Variants in GPSM1 observed in about 807,000 individuals in gnomAD.
The protein encoded by GPSM1 is G protein-signaling modulator 1.
Under a neutral mutation model 70.5 loss-of-function variants are expected in GPSM1, and 48 were observed. The ratio of observed to expected loss-of-function variants is 0.68; its 90% CI spans 0.54 to 0.87. The LOEUF (loss-of-function observed/expected upper bound fraction) is 0.87. GPSM1 is among the 40% of genes least tolerant of loss of function. The pLI is 0.00. For missense variants in GPSM1, 981 were observed against 972.6 expected (o/e 1.01, Z -0.11); for synonymous variants, 416 against 430.1 (o/e 0.97, Z 0.41).
intron 5 of GPSM1, 125 bp from the exon 6 acceptor site, chr9:136,337,721 G>T: frequency 1.0e-6 from 1 of 982,688 alleles, no homozygotes; most frequent in Non-Finnish European, 1.6e-6. Context: ...TCCTGCAGCT[G>T]CTAGCTGCTC....
In GPSM1 at chr9:136,339,628, C is replaced by T. The variant is rs1832336205; in HGVS notation, c.975-79C>T. On this transcript the variant is annotated intron_variant, in intron 7 of 13. Transcript: ENST00000440944. Reference sequence around the variant, plus strand: ...CTCGAAGCCAGGGTCATGCTGGGGCCGTGACCACCAGGGGAGGGGCTGGGG... The same window carrying T: ...CTCGAAGCCAGGGTCATGCTGGGGCTGTGACCACCAGGGGAGGGGCTGGGG... The T allele has an allele frequency of 6.0e-6, 6 of 993,866 alleles. No homozygotes were observed. In the African/African-American group the frequency reaches 6.4e-5, roughly 11 times the overall value. 61.6% of individuals were successfully genotyped at this position (993,866 alleles called of 1,614,324 possible). A position where few individuals can be genotyped will look rare whatever the true frequency, so the allele number is the denominator to read the frequency against.
intron 1 of GPSM1, among the ~76,000 whole-genome samples, chr9:136,329,284 G>A (rs1224625484): frequency 1.3e-5 from 2 of 151,862 alleles, no homozygotes; most frequent in African/African-American, 4.8e-5. Flanking sequence ...AGCAGGGCCT[G>A]TGACGAGGTC....
In GPSM1 at chr9:136,340,477, C is replaced by T. The variant is rs1180343605; in HGVS notation, c.1084-393C>T. Among the ~76,000 whole-genome samples, 8 of 152,040 alleles carry T rather than the reference C, an allele frequency of 5.3e-5. No homozygotes were observed. Among genetic ancestry groups the T allele is most frequent in the Middle Eastern group, 6.8e-3 (2 of 294 alleles). On this transcript the variant is annotated intron_variant, in intron 8 of 13. Coordinates refer to ENST00000440944, the MANE Select transcript of GPSM1 (RefSeq NM_001145638.3). This position sits in a 1 kb window ranked among gnomAD's most constrained non-coding sequence, Gnocchi z 7.3. The stretch of plus-strand genomic sequence containing the variant: ...CTCTCTTCTGCTTGACTTAAGCAAA[C>T]AGTTAGTTCCTGAGTGATGTGGATG...
At chr9:136,328,836 T>C (rs1490003796) in intron 1 of GPSM1, among the ~76,000 whole-genome samples, 1 of 152,156 alleles carries the variant, frequency 6.6e-6, no homozygotes, top group Non-Finnish European at 1.5e-5. Flanking sequence ...TGGCAGCTGC[T>C]GCCAGGGGCC....
At position 136,337,457 on chromosome 9, in the gene GPSM1, G is replaced by A. The variant is rs1554769441; in HGVS notation, c.595G>A (p.Val199Met). The A allele has an allele frequency of 3.8e-6, 6 of 1,569,966 alleles. No individual in the cohort carries two copies. Among genetic ancestry groups the A allele is most frequent in the Admixed American group, 1.9e-5 (1 of 52,340 alleles). ...SEFYERNLSL[V>M]KELGDRAAQG... is the part of the protein sequence containing the mutation. ...GGCCCCCAGGAGGAACCTGTCCCTG[G>A]TGAAGGAGCTGGGCGACCGTGCGGC... Residue 199 changes from valine (V) to methionine (M), a missense_variant, in exon 5 of 14, where the codon GTG becomes ATG. Physicochemically the swap from Val to Met is conservative, Grantham distance 21. Coordinates refer to ENST00000440944, the MANE Select transcript of GPSM1 (RefSeq NM_001145638.3).
Position 136,356,448 on chromosome 9 carries a change from G to C in GPSM1, c.1719G>C (p.Leu573=). The C allele has an allele frequency of 1.9e-6, 3 of 1,611,472 alleles. No homozygotes were observed. Among genetic ancestry groups the C allele is most frequent in the Non-Finnish European group, 2.5e-6 (3 of 1,179,076 alleles). ...LDDQRASVGS[L]PGLRITHSNA... is the part of the protein sequence containing the mutation. ...ACCAGCGGGCCAGCGTGGGCAGCCTGCCGGGGCTGCGAATCACCCACAGCA... is the reference window on the plus strand; with the variant it reads ...ACCAGCGGGCCAGCGTGGGCAGCCTCCCGGGGCTGCGAATCACCCACAGCA... Residue 573 remains leucine (L), a synonymous_variant, in exon 13 of 14, where the codon CTG becomes CTC. Transcript: ENST00000440944.
In GPSM1 at chr9:136,355,682, C is replaced by T; in HGVS notation, c.1456-8C>T. ...GCTTTGGCTGCGGTGACCCCACTCC[C>T]TCCCCAGAGCATCCCGAGGGCCCCG... is the stretch of plus-strand genomic sequence containing the variant. On this transcript the variant is annotated splice_region_variant and splice_polypyrimidine_tract_variant and intron_variant, in intron 11 of 13. Coordinates refer to ENST00000440944, the MANE Select transcript of GPSM1 (RefSeq NM_001145638.3). 1 of 1,611,080 alleles carries T rather than the reference C, an allele frequency of 6.2e-7. No homozygotes were observed. The highest frequency in any genetic ancestry group is 8.5e-7 in the Non-Finnish European group (1 of 1,178,854).
rs1215500772 is a variant in GPSM1, at chr9:136,358,398, T to C, written c.*178T>C. ...GCTGCCCGTGGTGGGAGGGCGTGCT[T>C]CCATCCCGGGCTGGCCCCCATGGCC... is the stretch of plus-strand genomic sequence containing the variant. On this transcript the variant is annotated 3_prime_UTR_variant, in exon 14 of 14. Coordinates refer to ENST00000440944, the MANE Select transcript of GPSM1 (RefSeq NM_001145638.3). The C allele has an allele frequency of 1.4e-5, 9 of 630,726 alleles. No homozygotes were observed. Among genetic ancestry groups the C allele is most frequent in the Middle Eastern group, 4.0e-4 (1 of 2,484 alleles). The allele number at this position is 630,726 out of a possible 1,614,324, so 39.1% of individuals were successfully genotyped here. A position where few individuals can be genotyped will look rare whatever the true frequency, so the allele number is the denominator to read the frequency against.
rs374358876 is a variant in GPSM1 at position 136,356,482 on chromosome 9, C to A, written c.1753C>A (p.His585Asn). Reference protein sequence around the residue: ...GLRITHSNAGHLRGHGEPQEP... With the variant: ...GLRITHSNAGNLRGHGEPQEP... ...GCGAATCACCCACAGCAATGCAGGGCACCTCCGAGGCCACGGCGAGCCCCA... is the reference window on the plus strand; with the variant it reads ...GCGAATCACCCACAGCAATGCAGGGAACCTCCGAGGCCACGGCGAGCCCCA... The change falls in exon 13 of 14, where the codon CAC (histidine) becomes AAC (asparagine). Residue 585 changes from histidine to asparagine, a missense_variant. Coordinates refer to ENST00000440944, the MANE Select transcript of GPSM1 (RefSeq NM_001145638.3). The A allele has an allele frequency of 1.2e-4, 199 of 1,611,756 alleles. No homozygotes were observed. Among genetic ancestry groups the A allele is most frequent in the Non-Finnish European group, 1.6e-4 (185 of 1,179,370 alleles).
rs180678764 is a variant in GPSM1 at position 136,338,935 on chromosome 9, G to A, written c.974+225G>A. Among the ~76,000 whole-genome samples the A allele has an allele frequency of 1.3e-4, 20 of 152,222 alleles. No homozygotes were observed. The East Asian group carries it at 1.7e-3, about 13-fold the overall frequency. On this transcript the variant is annotated intron_variant, in intron 7 of 13. Transcript: ENST00000440944. ...GGGTCCCCCTCCCATCCCTCAATTC[G>A]CCACCCTGTTGCCCCCACCACCCAT...
intron 1 of GPSM1, among the ~76,000 whole-genome samples, chr9:136,333,396 C>T (rs1232447450): frequency 2.0e-5 from 3 of 151,764 alleles, no homozygotes; most frequent in Admixed American, 6.5e-5. Flanking sequence ...CAGGGAGGTG[C>T]GGAGCCGGGC....
Position 136,351,879 on chromosome 9 carries a change from G to A in GPSM1, c.1455+2116G>A, listed in dbSNP as rs566369802. On this transcript the variant is annotated intron_variant, in intron 11 of 13. Transcript: ENST00000440944. Reference sequence around the variant, plus strand: ...AGAACCTTGGGTACCTCCGAGTAAGGACCGTCTGCACCCTGGTGGCAGCCT... The same window carrying A: ...AGAACCTTGGGTACCTCCGAGTAAGAACCGTCTGCACCCTGGTGGCAGCCT... Among the ~76,000 whole-genome samples the A allele has an allele frequency of 3.3e-5, 5 of 152,384 alleles. No homozygotes were observed. In the East Asian group the frequency reaches 9.6e-4, roughly 29 times the overall value.
Position 136,356,424 on chromosome 9 carries a change from C to T in GPSM1, c.1695C>T (p.Asp565=), listed in dbSNP as rs1832826976. The T allele has an allele frequency of 6.2e-7, 1 of 1,610,548 alleles. No homozygotes were observed. Among genetic ancestry groups the T allele is most frequent in the African/African-American group, 1.3e-5 (1 of 74,866 alleles). Residue 565 remains aspartate (D), a synonymous_variant, in exon 13 of 14, where the codon GAC becomes GAT. Coordinates refer to ENST00000440944, the MANE Select transcript of GPSM1 (RefSeq NM_001145638.3). ...GCTCCCAGAGCCGCCGGCTGGACGA[C>T]CAGCGGGCCAGCGTGGGCAGCCTGC... ...IASSQSRRLD[D]QRASVGSLPG... is the part of the protein sequence containing the mutation.
intron 9 of GPSM1, among the ~76,000 whole-genome samples, chr9:136,346,366 T>A (rs1431047234): frequency 6.8e-6 from 1 of 147,970 alleles, no homozygotes; most frequent in African/African-American, 2.5e-5. Context: ...TCCTGTCCCC[T>A]TCCCCCCAGC....
In GPSM1 at chr9:136,327,756, T is replaced by G. The variant is rs1554768064; in HGVS notation, c.61T>G (p.Tyr21Asp). The stretch of plus-strand genomic sequence containing the variant: ...CCCGGGCCCGGCCGCCAGGCGCCTC[T>G]ACTCCAGGTAGGACGGGCCGGGGCC... ...ELPGPAARRL[Y>D]SRMEASCLEL... Residue 21 changes from tyrosine (Y) to aspartate (D), a missense_variant, in exon 1 of 14, where the codon TAC (tyrosine) becomes GAC (aspartate). Tyr to Asp is a radical substitution (Grantham distance 160). Coordinates refer to ENST00000440944, the MANE Select transcript of GPSM1 (RefSeq NM_001145638.3). 1.7e-6 allele frequency: 2 copies of G among 1,178,918 alleles called. No individual in the cohort carries two copies. The highest frequency in any genetic ancestry group is 2.1e-6 in the Non-Finnish European group (2 of 952,058). 73.0% of individuals were successfully genotyped at this position (1,178,918 alleles called of 1,614,324 possible).
In GPSM1 at chr9:136,341,896, C is replaced by CCAT; in HGVS notation, c.1207+905_1207+907dup. On this transcript the variant is annotated intron_variant, in intron 9 of 13. Coordinates refer to ENST00000440944, the MANE Select transcript of GPSM1 (RefSeq NM_001145638.3). This position sits in a 1 kb window ranked among gnomAD's most constrained non-coding sequence, Gnocchi z 6.7. ...AAACTCCCAGCCTCAAGCGATCCTC[C>CCAT]CATCTCGGCTTCCAGAAGTGCTGGG... The CCAT allele has an allele frequency of 3.7e-6, 2 of 544,370 alleles. No individual in the cohort carries two copies. The highest frequency in any genetic ancestry group is 4.7e-6 in the Non-Finnish European group (2 of 426,834). The allele number at this position is 544,370 out of a possible 1,614,324, so 33.7% of individuals were successfully genotyped here.
chr9:136,351,696 G>C (rs537461668), intron 11 of GPSM1, among the ~76,000 whole-genome samples: 3 of 152,214 alleles, frequency 2.0e-5, no homozygotes, highest in African/African-American at 7.2e-5. Flanking sequence ...CACCTGCTGC[G>C]GGCCCTGCTC....
rs571352991 is a variant in GPSM1 at position 136,358,338 on chromosome 9, G to A, written c.*118G>A. On this transcript the variant is annotated 3_prime_UTR_variant, in exon 14 of 14. Coordinates refer to ENST00000440944, the MANE Select transcript of GPSM1 (RefSeq NM_001145638.3). ...ACAGGCACTGGGCATGCAGCCCCAC[G>A]GCCTCCCCGACCCAGGGCGACAGGC... 36 of 961,276 alleles carry A rather than the reference G, an allele frequency of 3.7e-5. No individual in the cohort carries two copies. The highest frequency in any genetic ancestry group is 8.4e-5 in the African/African-American group (5 of 59,674). The allele number at this position is 961,276 out of a possible 1,614,324, so 59.5% of individuals were successfully genotyped here.
In GPSM1 at chr9:136,338,544, ACT is replaced by A; in HGVS notation, c.819-8_819-7del. 3 of 1,607,094 alleles carry A rather than the reference ACT, an allele frequency of 1.9e-6. No homozygotes were observed. The highest frequency in any genetic ancestry group is 2.6e-6 in the Non-Finnish European group (3 of 1,176,418). ...CCTCCTCCTGGGGGCTGACCCTGCC[ACT>A]CTGCACAGGAAGACGCTGCAACTGT... is the stretch of plus-strand genomic sequence containing the variant. On this transcript the variant is annotated splice_polypyrimidine_tract_variant and intron_variant, in intron 6 of 13. Coordinates refer to ENST00000440944, the MANE Select transcript of GPSM1 (RefSeq NM_001145638.3).
Sources: gnomAD v4.1 joint callset for allele counts (sites outside exome capture counted in the v4.1 genomes callset) on GRCh38, gnomAD v4.1.1 for gene constraint, Gnocchi (gnomAD v3.1) non-coding constraint, MANE v1.5 for transcripts, NCBI Gene and HGNC (gene_info 2026-07-23, HGNC 2026-07-21) for gene names.